The following L3MBTL4 variants were observed in gnomAD, a reference collection of about 807,000 sequenced individuals.
L3MBTL4 encodes the protein L3MBTL histone methyl-lysine binding protein 4, also known as lethal(3)malignant brain tumor-like protein 4.
L3MBTL4 carries 70 observed loss-of-function variants against 84.5 expected under a neutral mutation model. The ratio of observed to expected loss-of-function variants is 0.83; its 90% CI spans 0.68 to 1.01. L3MBTL4 has a LOEUF of 1.01. Ranked by LOEUF, L3MBTL4 falls within the 50% of genes least tolerant of loss-of-function variation. The pLI, the probability that L3MBTL4 is intolerant of heterozygous loss-of-function variation, is 0.00. For synonymous variants in L3MBTL4, 274 were observed against 259.8 expected, an observed-to-expected ratio of 1.05 and a Z score of -0.52; for missense variants, 715 against 754.8, an observed-to-expected ratio of 0.95 and a Z score of 0.62.
In L3MBTL4 at chr18:6,239,885, C is replaced by A. The variant is rs1451786490; in HGVS notation, c.553-13G>T. ...ACATTGGCCCATTCTAACGCAGCAC[C>A]AGCAGGGGAAGAAGCACAAAAAGAA... On this transcript the variant is annotated splice_polypyrimidine_tract_variant and intron_variant, in intron 8 of 18. Coordinates refer to ENST00000317931, the MANE Select transcript of L3MBTL4 (RefSeq NM_001330559.2). 1.2e-6 allele frequency: 2 copies of A among 1,613,924 alleles called. No individual in the cohort carries two copies. Among genetic ancestry groups the A allele is most frequent in the Non-Finnish European group, 8.5e-7 (1 of 1,179,934 alleles).
intron 14 of L3MBTL4, among the ~76,000 whole-genome samples, chr18:6,126,117 A>C (rs2059685419): frequency 6.6e-6 from 1 of 152,202 alleles, no homozygotes; most frequent in Non-Finnish European, 1.5e-5. Context: ...GAAAAACTAT[A>C]TATGTATATA....
intron 16 of L3MBTL4, among the ~76,000 whole-genome samples, chr18:6,018,833 A>G (rs1394828034): frequency 2.0e-5 from 3 of 152,220 alleles, no homozygotes; most frequent in Non-Finnish European, 4.4e-5. Flanking sequence ...AGGAAGAGAC[A>G]GCAGCAAGGA....
intron 16 of L3MBTL4, among the ~76,000 whole-genome samples, chr18:5,994,159 C>A (rs748336207): frequency 1.3e-5 from 2 of 152,180 alleles, no homozygotes; most frequent in Admixed American, 1.3e-4. Flanking sequence ...AGCCCTCCTC[C>A]GGAAAGCCTA....
chr18:5,980,398 T>C (rs1020271851), intron 16 of L3MBTL4, among the ~76,000 whole-genome samples: 7 of 151,966 alleles, frequency 4.6e-5, no homozygotes, highest in African/African-American at 7.3e-5. Flanking sequence ...TTTGATTCTT[T>C]TGTTGAAAAC....
rs185746695 is a variant in L3MBTL4, at chr18:6,092,963, G to A, written c.1373+392C>T. On this transcript the variant is annotated intron_variant, in intron 15 of 18. Transcript: ENST00000317931. ...CAAAGACAAGTAAGAGATAAGAGACGAAATCTTGATATGACTAAGAAGATA... is the reference window on the plus strand; with the variant it reads ...CAAAGACAAGTAAGAGATAAGAGACAAAATCTTGATATGACTAAGAAGATA... Among the ~76,000 whole-genome samples, 14 of 152,236 alleles carry A rather than the reference G, an allele frequency of 9.2e-5. No homozygotes were observed. In the East Asian group the frequency reaches 2.3e-3, roughly 25 times the overall value.
chr18:6,171,376 G>A (rs2043962643), intron 13 of L3MBTL4, among the ~76,000 whole-genome samples: 1 of 152,134 alleles, frequency 6.6e-6, no homozygotes, highest in African/African-American at 2.4e-5. Flanking sequence ...AAAGATGCGA[G>A]TAAAGTAGAG....
chr18:6,135,539 A>G (rs1205836017), intron 14 of L3MBTL4, among the ~76,000 whole-genome samples: 1 of 152,220 alleles, frequency 6.6e-6, no homozygotes, highest in Non-Finnish European at 1.5e-5. Flanking sequence ...CTTCCACCAG[A>G]TACCCTAAAT....
chr18:6,026,121 A>G (rs1348610584), intron 16 of L3MBTL4, among the ~76,000 whole-genome samples: 1 of 152,192 alleles, frequency 6.6e-6, no homozygotes, highest in African/African-American at 2.4e-5. Flanking sequence ...CCTCCCATTG[A>G]TTCTTTCTAC....
chr18:6,028,040 A>G (rs747171770), intron 16 of L3MBTL4, among the ~76,000 whole-genome samples: 1 of 152,118 alleles, frequency 6.6e-6, no homozygotes, highest in Admixed American at 6.6e-5. Flanking sequence ...CTTTTGTTTG[A>G]CTAGATCCCA....
intron 11 of L3MBTL4, among the ~76,000 whole-genome samples, chr18:6,214,077 A>C (rs2046226455): frequency 6.6e-6 from 1 of 152,212 alleles, no homozygotes; most frequent in Admixed American, 6.5e-5. Context: ...AAGCTGTGTA[A>C]TTTCAGCTGT....
chr18:5,989,964 G>A (rs537203539), intron 16 of L3MBTL4, among the ~76,000 whole-genome samples: 1 of 152,312 alleles, frequency 6.6e-6, no homozygotes, highest in South Asian at 2.1e-4. Flanking sequence ...TTATACTCTG[G>A]TTGGGGGCAA....
Position 6,028,661 on chromosome 18 carries a change from TC to T in L3MBTL4, c.1444+52219del, listed in dbSNP as rs2055630228. Among the ~76,000 whole-genome samples the T allele has an allele frequency of 4.6e-5, 7 of 152,348 alleles. No individual in the cohort carries two copies. The South Asian group carries it at 1.2e-3, about 27-fold the overall frequency. ...ATTTTCATGATATTGATTCTTCCTA[TC>T]CATAAGCATGGAATGTTTTTCCATT... On this transcript the variant is annotated intron_variant, in intron 16 of 18. Transcript: ENST00000317931.
chr18:6,129,368 C>CTCTGTGTG (rs1555663722), intron 14 of L3MBTL4, among the ~76,000 whole-genome samples: 18 of 138,300 alleles, frequency 1.3e-4, no homozygotes, highest in African/African-American at 3.6e-4. Flanking sequence ...GGAATTCTCT[C>CTCTGTGTG]TGTGTGTGTG....
chr18:6,246,267 A>G (rs1378323848), intron 5 of L3MBTL4, among the ~76,000 whole-genome samples: 1 of 152,186 alleles, frequency 6.6e-6, no homozygotes, highest in Non-Finnish European at 1.5e-5. Context: ...TTTATCTGTC[A>G]AAAGTGTTTT....
At chr18:5,978,908 G>C (rs1248453024) in intron 16 of L3MBTL4, among the ~76,000 whole-genome samples, 1 of 152,180 alleles carries the variant, frequency 6.6e-6, no homozygotes, top group Non-Finnish European at 1.5e-5. Flanking sequence ...CCCACAACGG[G>C]AGGGGCAGGG....
intron 13 of L3MBTL4, among the ~76,000 whole-genome samples, chr18:6,171,353 A>C (rs1255498927): frequency 2.0e-5 from 3 of 152,260 alleles, no homozygotes; most frequent in African/African-American, 7.2e-5. Context: ...GTAGCTAGAA[A>C]GTCAGAAATA....
At chr18:6,149,258 T>C (rs943703718) in intron 13 of L3MBTL4, among the ~76,000 whole-genome samples, 10 of 144,642 alleles carry the variant, frequency 6.9e-5, no homozygotes, top group Non-Finnish European at 1.2e-4. Context: ...TCCATGTGTT[T>C]TCATTGTTCA....
Position 6,409,638 on chromosome 18 carries a change from G to A in L3MBTL4, c.-91+5163C>T, listed in dbSNP as rs9965392. On this transcript the variant is annotated intron_variant, in intron 1 of 18. Transcript: ENST00000317931. ...CTGGGAGTTCAAATTCAGGAGGGTT[G>A]TTAGGCCTAGGGCCTAAGCAGAATA... Among the ~76,000 whole-genome samples the A allele has an allele frequency of 2.9e-3, 442 of 152,294 alleles. 3 individuals carry two copies. Among genetic ancestry groups the A allele is most frequent in the African/African-American group, 1.0e-2 (414 of 41,556 alleles).
Position 6,073,283 on chromosome 18 carries a change from A to G in L3MBTL4, c.1444+7598T>C, listed in dbSNP as rs184767178. On this transcript the variant is annotated intron_variant, in intron 16 of 18. Coordinates refer to ENST00000317931, the MANE Select transcript of L3MBTL4 (RefSeq NM_001330559.2). ...CTGCAGACACTGAAAAGCTAATCAGAGGGTATTATAAACAACTCAATAGCA... is the reference window on the plus strand; with the variant it reads ...CTGCAGACACTGAAAAGCTAATCAGGGGGTATTATAAACAACTCAATAGCA... 1.3e-4 allele frequency among the ~76,000 whole-genome samples: 20 copies of G among 152,178 alleles called. No homozygotes were observed. The East Asian group carries it at 3.9e-3, about 29-fold the overall frequency.
Sources: allele counts gnomAD v4.1 joint callset (sites outside exome capture counted in the v4.1 genomes callset), GRCh38; gene constraint gnomAD v4.1.1; transcripts MANE v1.5; gene names NCBI Gene and HGNC (gene_info 2026-07-23, HGNC 2026-07-21).